SNTB1: variants seen among roughly 807,000 people sequenced by gnomAD.
SNTB1 encodes the protein beta-1-syntrophin.
In SNTB1, 36 loss-of-function variants were observed where a neutral mutation model predicts 48.9. The ratio of observed to expected loss-of-function variants is 0.74; its 90% confidence interval spans 0.56 to 0.97. The LOEUF (loss-of-function observed/expected upper bound fraction) is 0.97. Ranked by LOEUF, SNTB1 falls within the 50% of genes least tolerant of loss-of-function variation. SNTB1 has a pLI of 0.00. For missense variants in SNTB1, 786 were observed against 703.4 expected (o/e 1.12, Z -1.33); for synonymous variants, 299 against 294.6 (o/e 1.01, Z -0.15).
At chr8:120,631,559 A>G (rs1018201369) in intron 3 of SNTB1, among the ~76,000 whole-genome samples, 1 of 152,122 alleles carries the variant, frequency 6.6e-6, no homozygotes, top group African/African-American at 2.4e-5. Context: ...CCTATTAGAA[A>G]GTGAGTCACT....
At chr8:120,732,681 T>C (rs1395772192) in intron 1 of SNTB1, among the ~76,000 whole-genome samples, 1 of 152,032 alleles carries the variant, frequency 6.6e-6, no homozygotes, top group Non-Finnish European at 1.5e-5. Context: ...CTCGTCTCTA[T>C]TAAACGTACA....
intron 3 of SNTB1, among the ~76,000 whole-genome samples, chr8:120,608,507 CAG>C (rs1450149140): frequency 6.6e-6 from 1 of 152,128 alleles, no homozygotes; most frequent in African/African-American, 2.4e-5. Flanking sequence ...GATGAAGACA[CAG>C]AGAGAAGACG....
chr8:120,548,286 C>T (rs1386161118), intron 5 of SNTB1, among the ~76,000 whole-genome samples: 22 of 152,170 alleles, frequency 1.4e-4, no homozygotes, highest in Admixed American at 1.4e-3. Flanking sequence ...AAGTAAACCT[C>T]TTTTCTTTAT....
At chr8:120,725,734 A>G (rs1316988856) in intron 1 of SNTB1, among the ~76,000 whole-genome samples, 1 of 152,182 alleles carries the variant, frequency 6.6e-6, no homozygotes. Flanking sequence ...TCCACCATAC[A>G]CAATATTCCT....
intron 2 of SNTB1, among the ~76,000 whole-genome samples, chr8:120,639,436 T>G (rs112126092): frequency 0.42 from 63,556 of 152,032 alleles, 14,069 homozygotes; most frequent in Non-Finnish European, 0.49. Context: ...CCATTGCTTT[T>G]GTGTTTTAGA....
Position 120,537,187 on chromosome 8 carries a change from C to T in SNTB1, c.*1690G>A, listed in dbSNP as rs993983639. On this transcript the variant is annotated 3_prime_UTR_variant, in exon 7 of 7. Coordinates refer to ENST00000517992, the MANE Select transcript of SNTB1 (RefSeq NM_021021.4). ...ACAACAAAAAAACCCACTAGCTTCA[C>T]AAGATGCTCCATTAGAAAAGAGTCC... is the stretch of plus-strand genomic sequence containing the variant. 1.7e-4 allele frequency: 25 copies of T among 150,762 alleles called. No individual in the cohort carries two copies. Among genetic ancestry groups the T allele is most frequent in the African/African-American group, 5.4e-4 (22 of 41,068 alleles). 9.3% of individuals were successfully genotyped at this position (150,762 alleles called of 1,614,324 possible).
intron 1 of SNTB1, among the ~76,000 whole-genome samples, chr8:120,759,422 T>C (rs1416691351): frequency 6.6e-6 from 1 of 151,978 alleles, no homozygotes; most frequent in Non-Finnish European, 1.5e-5. Context: ...TTTGAATACT[T>C]TTCTGATACA....
intron 3 of SNTB1, among the ~76,000 whole-genome samples, chr8:120,593,232 C>T (rs4242315): frequency 0.18 from 27,082 of 152,044 alleles, 2,971 homozygotes; most frequent in East Asian, 0.44. Flanking sequence ...ATTTAACAAC[C>T]GGCACAGACT....
intron 2 of SNTB1, among the ~76,000 whole-genome samples, chr8:120,634,733 C>T (rs754311914): frequency 1.3e-5 from 2 of 152,078 alleles, no homozygotes; most frequent in Non-Finnish European, 1.5e-5. Context: ...GCCTTGTTAA[C>T]ATTTGAAACC....
chr8:120,545,055 T>G (rs1439927148), intron 5 of SNTB1, among the ~76,000 whole-genome samples: 1 of 152,130 alleles, frequency 6.6e-6, no homozygotes, highest in East Asian at 1.9e-4. Flanking sequence ...AGAATACTAC[T>G]GGGTGGGACC....
At chr8:120,617,716 G>A (rs375845224) in intron 3 of SNTB1, among the ~76,000 whole-genome samples, 7 of 152,252 alleles carry the variant, frequency 4.6e-5, no homozygotes, top group Admixed American at 6.5e-5. Context: ...CTCAGAACTC[G>A]CCTCCAGATC....
In SNTB1 at chr8:120,703,303, T is replaced by C; in HGVS notation, c.572-9395A>G. Among the ~76,000 whole-genome samples, 2 of 152,202 alleles carry C rather than the reference T, an allele frequency of 1.3e-5. 1 individual carries two copies. Among genetic ancestry groups the C allele is most frequent in the Non-Finnish European group, 2.9e-5 (2 of 68,036 alleles). ...CCACACCTGGCTGATTTTTGTATTTTTAGTAGATACGAGGTTGCACCATGT... is the reference window on the plus strand; with the variant it reads ...CCACACCTGGCTGATTTTTGTATTTCTAGTAGATACGAGGTTGCACCATGT... On this transcript the variant is annotated intron_variant, in intron 1 of 6. Transcript: ENST00000517992.
rs374023907 is a variant in SNTB1, at chr8:120,611,924, G to A, written c.996+20520C>T. Among the ~76,000 whole-genome samples the A allele has an allele frequency of 3.3e-5, 5 of 151,608 alleles. No individual in the cohort carries two copies. In the East Asian group the frequency reaches 5.8e-4, roughly 18 times the overall value. ...GTATTACTTATTTTTCTGTGTATAG[G>A]TGAGGTTGGTTCTTACCTAGAAGAC... On this transcript the variant is annotated intron_variant, in intron 3 of 6. Coordinates refer to ENST00000517992, the MANE Select transcript of SNTB1 (RefSeq NM_021021.4).
At chr8:120,768,298 G>C (rs1172828278) in intron 1 of SNTB1, among the ~76,000 whole-genome samples, 1 of 152,168 alleles carries the variant, frequency 6.6e-6, no homozygotes, top group Non-Finnish European at 1.5e-5. Flanking sequence ...CCATGTGCGA[G>C]TACCCTACAG....
rs1044712693 is a variant in SNTB1, at chr8:120,632,557, A to C, written c.883T>G (p.Ser295Ala). Reference sequence around the variant, plus strand: ...CGGGTCAGCAGGTCATTAACGTTGGAATGGATGGCACTGAACCATGCCTGG... The same window carrying C: ...CGGGTCAGCAGGTCATTAACGTTGGCATGGATGGCACTGAACCATGCCTGG... ...TAQAWFSAIH[S>A]NVNDLLTRVI... The change falls in exon 3 of 7, where the codon TCC (serine) becomes GCC (alanine). Residue 295 changes from serine to alanine, a missense_variant. Coordinates refer to ENST00000517992, the MANE Select transcript of SNTB1 (RefSeq NM_021021.4). 1.9e-6 allele frequency: 3 copies of C among 1,613,980 alleles called. No homozygotes were observed. Among genetic ancestry groups the C allele is most frequent in the Admixed American group, 1.7e-5 (1 of 59,994 alleles).
chr8:120,590,991 T>C (rs1816231987), intron 3 of SNTB1, among the ~76,000 whole-genome samples: 1 of 152,192 alleles, frequency 6.6e-6, no homozygotes, highest in Non-Finnish European at 1.5e-5. Context: ...TGCCTCATTA[T>C]AGGCTTCAAC....
At chr8:120,805,234 C>CCG (rs1317190304) in intron 1 of SNTB1, among the ~76,000 whole-genome samples, 114 of 152,052 alleles carry the variant, frequency 7.5e-4, no homozygotes, top group African/African-American at 2.7e-3. Flanking sequence ...CCCACCCTCT[C>CCG]CTCCAAACAC....
intron 3 of SNTB1, among the ~76,000 whole-genome samples, chr8:120,619,543 T>G (rs1816762531): frequency 6.6e-6 from 1 of 152,208 alleles, no homozygotes; most frequent in Admixed American, 6.5e-5. Context: ...ATTTTTCCCA[T>G]CAAGCTCTCT....
intron 2 of SNTB1, among the ~76,000 whole-genome samples, chr8:120,679,068 G>A (rs138553543): frequency 6.6e-6 from 1 of 152,324 alleles, no homozygotes; most frequent in African/African-American, 2.4e-5. Context: ...GTGGGTAAGA[G>A]CTTCCCACTG....
Sources: gnomAD v4.1 joint callset for allele counts (sites outside exome capture counted in the v4.1 genomes callset) on GRCh38, gnomAD v4.1.1 for gene constraint, MANE v1.5 for transcripts, NCBI Gene and HGNC (gene_info 2026-07-23, HGNC 2026-07-21) for gene names.